The following LAMB1 variants were observed in gnomAD, a reference collection of about 807,000 sequenced individuals.
The protein encoded by LAMB1 is laminin subunit beta-1.
LAMB1 carries 121 observed loss-of-function variants against 222.3 expected under a neutral mutation model. The ratio of observed to expected loss-of-function variants is 0.54; its 90% CI spans 0.47 to 0.63. The LOEUF (loss-of-function observed/expected upper bound fraction) is 0.63. LAMB1 is among the 30% of genes least tolerant of loss of function. The pLI is 0.00. For synonymous variants in LAMB1, 794 were observed against 807.2 expected, an observed-to-expected ratio of 0.98 and a Z score of 0.28; for missense variants, 2,172 against 2,240.8, an observed-to-expected ratio of 0.97 and a Z score of 0.62.
chr7:107,981,186 C>T (rs2033965924), intron 7 of LAMB1, among the ~76,000 whole-genome samples: 3 of 152,144 alleles, frequency 2.0e-5, no homozygotes, highest in Admixed American at 2.0e-4. Context: ...GTGGCTCACA[C>T]CTGTATTCCC....
intron 19 of LAMB1, 79 bp downstream of exon 19, chr7:107,959,606 AGCATCG>A: frequency 6.2e-7 from 1 of 1,612,862 alleles, no homozygotes; most frequent in Non-Finnish European, 8.5e-7. Context: ...TCAGGAGGGA[AGCATCG>A]GCTCTGCAGC....
At position 108,001,745 on chromosome 7, in the gene LAMB1, A is replaced by G. The variant is rs769355549; in HGVS notation, c.38-12T>C. ...GGCTCTGCACAGGGCTGCGGGAAGG[A>G]CAGGCAACAGAGTTGGGGGGACACA... On this transcript the variant is annotated splice_polypyrimidine_tract_variant and intron_variant, in intron 2 of 33. Transcript: ENST00000222399. The G allele has an allele frequency of 3.7e-6, 6 of 1,612,050 alleles. No individual in the cohort carries two copies. The highest frequency in any genetic ancestry group is 1.3e-5 in the African/African-American group (1 of 74,870).
At chr7:107,982,553 T>C (rs748499567) in intron 7 of LAMB1, among the ~76,000 whole-genome samples, 8 of 152,170 alleles carry the variant, frequency 5.3e-5, no homozygotes, top group Non-Finnish European at 1.2e-4. Flanking sequence ...GCCAACATTT[T>C]CTCCTGCACA....
At chr7:107,998,936 A>C (rs1458999629) in intron 3 of LAMB1, among the ~76,000 whole-genome samples, 1 of 152,274 alleles carries the variant, frequency 6.6e-6, no homozygotes, top group Admixed American at 6.5e-5. Context: ...AATGAAGCAG[A>C]AACCAAGTAT....
intron 13 of LAMB1, among the ~76,000 whole-genome samples, chr7:107,968,512 T>C (rs1374648206): frequency 1.3e-5 from 2 of 152,182 alleles, no homozygotes; most frequent in African/African-American, 4.8e-5. Context: ...GAGCGATTAT[T>C]GGATGATCTG....
chr7:107,957,816 A>C (rs2033409854), intron 20 of LAMB1, among the ~76,000 whole-genome samples: 1 of 152,180 alleles, frequency 6.6e-6, no homozygotes, highest in African/African-American at 2.4e-5. Flanking sequence ...ATGATGAGAA[A>C]CTGGCTCAAA....
At chr7:107,988,505 C>T (rs1047473546) in intron 5 of LAMB1, among the ~76,000 whole-genome samples, 3 of 152,092 alleles carry the variant, frequency 2.0e-5, no homozygotes, top group African/African-American at 7.2e-5. Flanking sequence ...TCTAGAAAAA[C>T]GTATCAACCA....
intron 3 of LAMB1, among the ~76,000 whole-genome samples, chr7:107,999,236 G>C (rs1030069870): frequency 2.6e-5 from 4 of 152,214 alleles, no homozygotes; most frequent in African/African-American, 7.2e-5. Context: ...TAAAATGGGA[G>C]CCAGAGCCAC....
intron 3 of LAMB1, among the ~76,000 whole-genome samples, chr7:108,001,101 A>AG (rs1025554508): frequency 3.2e-4 from 48 of 152,116 alleles, no homozygotes; most frequent in African/African-American, 1.1e-3. Flanking sequence ...AAATGAGGAG[A>AG]GGAAAACGGG....
At chr7:107,971,057 GGTTA>G (rs1421753394) in intron 13 of LAMB1, among the ~76,000 whole-genome samples, 1 of 152,142 alleles carries the variant, frequency 6.6e-6, no homozygotes, top group Non-Finnish European at 1.5e-5. Flanking sequence ...CCAAAGTTCA[GGTTA>G]GTTGTCAATA....
At chr7:107,948,228 C>T (rs1380958735) in intron 24 of LAMB1, among the ~76,000 whole-genome samples, 4 of 152,140 alleles carry the variant, frequency 2.6e-5, no homozygotes, top group Non-Finnish European at 5.9e-5. Context: ...CTCAAGTGAT[C>T]CGCCCGCCTT....
intron 5 of LAMB1, among the ~76,000 whole-genome samples, chr7:107,989,152 G>A (rs1007668514): frequency 2.0e-5 from 3 of 152,196 alleles, no homozygotes; most frequent in African/African-American, 7.2e-5. Context: ...CAAGGCAGGA[G>A]GGAGATTTAG....
intron 13 of LAMB1, 60 bp downstream of exon 13, chr7:107,972,932 C>T: frequency 7.6e-7 from 1 of 1,313,218 alleles, no homozygotes; most frequent in Non-Finnish European, 1.1e-6. Context: ...TCACCCATTC[C>T]TGTAAGTCAT....
At chr7:107,990,084 G>C (rs1178351010) in intron 5 of LAMB1, among the ~76,000 whole-genome samples, 1 of 152,046 alleles carries the variant, frequency 6.6e-6, no homozygotes, top group East Asian at 1.9e-4. Context: ...TGTTGCCCAG[G>C]CTGGAGTGCA....
chr7:107,926,269 G>T lies in LAMB1; in HGVS notation c.4978C>A (p.Arg1660=). 2 of 1,613,790 alleles carry T rather than the reference G, an allele frequency of 1.2e-6. No homozygotes were observed. The highest frequency in any genetic ancestry group is 1.7e-6 in the Non-Finnish European group (2 of 1,179,762). ...ELERNVEELK[R]KAAQNSGEAE... ...TCCCCGGAGTTTTGGGCAGCTTTCC[G>T]CTTAAGTTCTTCCACATTCCTCTCT... Residue 1660 remains arginine, a synonymous_variant, in exon 32 of 34, where the codon CGG becomes AGG. Transcript: ENST00000222399.
At chr7:107,969,678 G>A (rs944990499) in intron 13 of LAMB1, among the ~76,000 whole-genome samples, 10 of 152,162 alleles carry the variant, frequency 6.6e-5, no homozygotes, top group Non-Finnish European at 1.0e-4. Context: ...AGATGGTATA[G>A]CTTACTACAC....
chr7:107,963,990 G>C (rs562570073), intron 14 of LAMB1, among the ~76,000 whole-genome samples: 2 of 152,178 alleles, frequency 1.3e-5, no homozygotes, highest in Non-Finnish European at 2.9e-5. Context: ...CGAGCTACTC[G>C]GGAAGCTGAA....
intron 5 of LAMB1, among the ~76,000 whole-genome samples, chr7:107,989,231 A>T (rs2034137688): frequency 6.6e-6 from 1 of 152,208 alleles, no homozygotes; most frequent in African/African-American, 2.4e-5. Context: ...AAATAGGCAA[A>T]CAGGCAAAGG....
intron 24 of LAMB1, among the ~76,000 whole-genome samples, chr7:107,950,482 T>C (rs888801962): frequency 6.6e-6 from 1 of 152,226 alleles, no homozygotes; most frequent in Non-Finnish European, 1.5e-5. Flanking sequence ...ACCATAAAAA[T>C]CAAGCAATCC....
Sources: allele counts gnomAD v4.1 joint callset (sites outside exome capture counted in the v4.1 genomes callset), GRCh38; gene constraint gnomAD v4.1.1; transcripts MANE v1.5; gene names NCBI Gene and HGNC (gene_info 2026-07-23, HGNC 2026-07-21).